The following SIL1 variants were observed in gnomAD, a reference collection of about 807,000 sequenced individuals.
The protein encoded by SIL1 is SIL1 nucleotide exchange factor.
In SIL1, 40 loss-of-function variants were observed where a neutral mutation model predicts 49.1. That is an observed-to-expected ratio of 0.81 (90% confidence interval 0.63 to 1.06). The LOEUF is 1.06. Among genes scored for constraint, SIL1 ranks in the 50% least tolerant of loss-of-function variants. The pLI, the probability that SIL1 is intolerant of heterozygous loss-of-function variation, is 0.00. For missense variants in SIL1, 500 were observed against 572.6 expected (o/e 0.87, Z 1.29); for synonymous variants, 253 against 250.8 (o/e 1.01, Z -0.08).
At chr5:139,054,543 A>C (rs989807984) in intron 3 of SIL1, among the ~76,000 whole-genome samples, 2 of 152,240 alleles carry the variant, frequency 1.3e-5, no homozygotes, top group African/African-American at 4.8e-5. Context: ...AATAGTAATT[A>C]GTCATGTTAA....
At chr5:139,042,755 T>C in intron 4 of SIL1, 36 bp from the exon 5 acceptor site, 1 of 1,585,254 alleles carries the variant, frequency 6.3e-7, no homozygotes, top group South Asian at 1.1e-5. Flanking sequence ...GAGGGAGGCA[T>C]GGCTAGGCTT....
chr5:139,018,590 CAAAAAAAAAA>C (rs34450224), intron 7 of SIL1, among the ~76,000 whole-genome samples: 1 of 69,910 alleles, frequency 1.4e-5, no homozygotes, highest in African/African-American at 5.8e-5. Context: ...GACCCTGACT[CAAAAAAAAAA>C]AAAAAAAAAA....
chr5:138,988,279 A>G (rs1421608874), intron 7 of SIL1, among the ~76,000 whole-genome samples: 1 of 152,232 alleles, frequency 6.6e-6, no homozygotes, highest in Non-Finnish European at 1.5e-5. Flanking sequence ...TGGAGGGAAC[A>G]TGCTGCAGCC....
chr5:139,075,599 A>G (rs540278535), intron 3 of SIL1, among the ~76,000 whole-genome samples: 14 of 152,320 alleles, frequency 9.2e-5, no homozygotes, highest in African/African-American at 3.1e-4. Context: ...AGCATGTCAT[A>G]GGGAATAAAA....
chr5:139,103,405 CA>C (rs2151783761), intron 3 of SIL1, among the ~76,000 whole-genome samples: 1 of 152,270 alleles, frequency 6.6e-6, no homozygotes, highest in African/African-American at 2.4e-5. Flanking sequence ...ACCAGCGTGC[CA>C]GTCAGTCTGT....
At chr5:139,126,393 T>C (rs903815166) in intron 2 of SIL1, among the ~76,000 whole-genome samples, 3 of 152,200 alleles carry the variant, frequency 2.0e-5, no homozygotes, top group Non-Finnish European at 4.4e-5. Flanking sequence ...CTTAAGTAAA[T>C]TCATCAGCAT....
At chr5:139,131,900 T>C (rs1750872540) in intron 1 of SIL1, 1 of 152,254 alleles carries the variant, frequency 6.6e-6, no homozygotes, top group African/African-American at 2.4e-5. Flanking sequence ...TATACTTCTG[T>C]TAACGCTGCA....
At position 139,170,555 on chromosome 5, in the gene SIL1, C is replaced by T. The variant is rs557354736; in HGVS notation, c.-11+27714G>A. Among the ~76,000 whole-genome samples the T allele has an allele frequency of 4.8e-4, 72 of 150,154 alleles. 1 individual carries two copies. Among genetic ancestry groups the T allele is most frequent in the Admixed American group, 2.5e-3 (38 of 15,084 alleles). On this transcript the variant is annotated intron_variant, in intron 1 of 9. Coordinates refer to ENST00000394817, the MANE Select transcript of SIL1 (RefSeq NM_022464.5). ...GATGTGAGAAGCACCTCTGCCCGGC[C>T]GCGACCCCGTCTGGGAGGTGAGGAG...
chr5:139,064,019 G>T (rs1226303673), intron 3 of SIL1, among the ~76,000 whole-genome samples: 1 of 152,158 alleles, frequency 6.6e-6, no homozygotes, highest in African/African-American at 2.4e-5. Flanking sequence ...AAAGTGCCAA[G>T]ATATTGTACT....
chr5:139,080,619 C>A (rs1304833151), intron 3 of SIL1, among the ~76,000 whole-genome samples: 1 of 152,220 alleles, frequency 6.6e-6, no homozygotes, highest in African/African-American at 2.4e-5. Flanking sequence ...GAACAGACTG[C>A]AAAATCCATT....
At chr5:139,152,614 A>T (rs1250439637) in intron 1 of SIL1, among the ~76,000 whole-genome samples, 3 of 150,710 alleles carry the variant, frequency 2.0e-5, no homozygotes, top group Non-Finnish European at 4.4e-5. Context: ...GAGTGAGACA[A>T]CATCTTGGGA....
intron 1 of SIL1, among the ~76,000 whole-genome samples, chr5:139,132,431 C>T (rs1333331231): frequency 1.3e-5 from 2 of 152,194 alleles, no homozygotes; most frequent in Non-Finnish European, 2.9e-5. Context: ...GATCCTTCAT[C>T]TTCCCTCAAT....
chr5:139,098,930 TCTCAGC>T (rs1770527985), intron 3 of SIL1, among the ~76,000 whole-genome samples: 1 of 149,432 alleles, frequency 6.7e-6, no homozygotes, highest in African/African-American at 2.4e-5. Context: ...GATTCTCCTG[TCTCAGC>T]CTCCTGAGTA....
At position 139,154,913 on chromosome 5, in the gene SIL1, A is replaced by G. The variant is rs77557751; in HGVS notation, c.-10-27060T>C. On this transcript the variant is annotated intron_variant, in intron 1 of 9. Transcript: ENST00000394817. Reference sequence around the variant, plus strand: ...CTAATGAACATAGTAATTATCCCCCAAAGTTGCAAATCAGAACAATTCTTC... The same window carrying G: ...CTAATGAACATAGTAATTATCCCCCGAAGTTGCAAATCAGAACAATTCTTC... Among the ~76,000 whole-genome samples, 85 of 152,342 alleles carry G rather than the reference A, an allele frequency of 5.6e-4. 3 individuals are homozygous for G. The East Asian group carries it at 0.016, about 29-fold the overall frequency.
intron 7 of SIL1, among the ~76,000 whole-genome samples, chr5:138,987,082 A>ATTATTTTATTTTATTTTATTTTATT (rs58117206): frequency 2.3e-4 from 31 of 135,448 alleles, no homozygotes; most frequent in African/African-American, 6.3e-4. Flanking sequence ...TTTATGATAG[A>ATTATTTTATTTTATTTTATTTTATT]TTATTTTATT....
intron 1 of SIL1, among the ~76,000 whole-genome samples, chr5:139,172,762 GGCA>G: frequency 6.6e-6 from 1 of 152,264 alleles, no homozygotes; most frequent in African/African-American, 2.4e-5. Context: ...CTCCCAAGAT[GGCA>G]GCCGCAATGG....
chr5:139,076,855 G>A (rs964225501), intron 3 of SIL1, among the ~76,000 whole-genome samples: 2 of 152,194 alleles, frequency 1.3e-5, no homozygotes, highest in South Asian at 4.1e-4. Context: ...TCTCGGCCGG[G>A]CACAGTGGCT....
intron 1 of SIL1, among the ~76,000 whole-genome samples, chr5:139,164,865 T>G (rs1056338833): frequency 1.3e-5 from 2 of 152,122 alleles, no homozygotes; most frequent in African/African-American, 2.4e-5. Context: ...ATCAGATGGG[T>G]TTTATTTAAC....
intron 7 of SIL1, among the ~76,000 whole-genome samples, chr5:138,994,966 G>A (rs1767832548): frequency 6.6e-6 from 1 of 152,138 alleles, no homozygotes; most frequent in Non-Finnish European, 1.5e-5. Context: ...GTGGTGTTTG[G>A]TTTTCTGTTT....
Sources: gnomAD v4.1 joint callset for allele counts (sites outside exome capture counted in the v4.1 genomes callset) on GRCh38, gnomAD v4.1.1 for gene constraint, MANE v1.5 for transcripts, NCBI Gene and HGNC (gene_info 2026-07-23, HGNC 2026-07-21) for gene names.